The following GALNT17 variants were observed in gnomAD, a reference collection of about 807,000 sequenced individuals.
The protein encoded by GALNT17 is UDP-GalNAc:polypeptide N-acetylgalactosaminyltransferase-like 3.
Under a neutral mutation model 63.7 loss-of-function variants are expected in GALNT17, and 29 were observed. The observed-to-expected ratio is 0.46, with a 90% CI of 0.34 to 0.62. The LOEUF is 0.62. GALNT17 is among the 20% of genes least tolerant of loss of function. GALNT17 has a pLI of 0.01. For missense variants in GALNT17, 603 were observed against 799.6 expected (o/e 0.75, Z 2.97); for synonymous variants, 305 against 318.3 (o/e 0.96, Z 0.45).
chr7:71,351,694 G>T (rs771703345), intron 2 of GALNT17, among the ~76,000 whole-genome samples: 1 of 152,110 alleles, frequency 6.6e-6, no homozygotes, highest in African/African-American at 2.4e-5. Flanking sequence ...CCTTCAGAGG[G>T]TGCATGCCCT....
At chr7:71,404,106 A>G (rs1477146330) in intron 3 of GALNT17, among the ~76,000 whole-genome samples, 1 of 152,192 alleles carries the variant, frequency 6.6e-6, no homozygotes, top group Non-Finnish European at 1.5e-5. Context: ...TGGATAGCCT[A>G]TAGCTTATGC....
rs1226824098 is a variant in GALNT17 at position 71,403,686 on chromosome 7, A to G, written c.590-12203A>G. 2.0e-5 allele frequency among the ~76,000 whole-genome samples: 3 copies of G among 152,164 alleles called. No homozygotes were observed. In the East Asian group the frequency reaches 5.8e-4, roughly 29 times the overall value. ...GGTCCTGAATACGGAGCACCCCAGA[A>G]TGCTAGAGAAGGATGAACTGGCCGG... On this transcript the variant is annotated intron_variant, in intron 3 of 10. Coordinates refer to ENST00000333538, the MANE Select transcript of GALNT17 (RefSeq NM_022479.3).
intron 5 of GALNT17, among the ~76,000 whole-genome samples, chr7:71,552,657 G>T (rs1434640034): frequency 6.6e-6 from 1 of 151,984 alleles, no homozygotes; most frequent in Non-Finnish European, 1.5e-5. Context: ...GTCCAGGCTG[G>T]TCTCAAACTC....
chr7:71,648,264 GA>G (rs1349894513), intron 6 of GALNT17, among the ~76,000 whole-genome samples: 1 of 151,250 alleles, frequency 6.6e-6, no homozygotes, highest in Non-Finnish European at 1.5e-5. Context: ...CTGCTGTCAT[GA>G]GCTACTTTTT....
chr7:71,487,232 C>CA lies in GALNT17; in HGVS notation c.962+66129dup, dbSNP rs578021191. On this transcript the variant is annotated intron_variant, in intron 5 of 10. Transcript: ENST00000333538. ...TTGCTGCCAGGGATGGGGCCTATGA[C>CA]AAGTGTCTCCATGAGGGTAGTGATG... 1.5e-3 allele frequency among the ~76,000 whole-genome samples: 224 copies of CA among 152,312 alleles called. 10 individuals carry two copies. In the South Asian group the frequency reaches 0.042, roughly 29 times the overall value.
intron 5 of GALNT17, among the ~76,000 whole-genome samples, chr7:71,475,282 T>C (rs1259319644): frequency 6.6e-6 from 1 of 152,194 alleles, no homozygotes; most frequent in Non-Finnish European, 1.5e-5. Context: ...GTTTTTATTA[T>C]TATTACATTG....
At chr7:71,700,554 C>G (rs988983353) in intron 9 of GALNT17, among the ~76,000 whole-genome samples, 1 of 152,092 alleles carries the variant, frequency 6.6e-6, no homozygotes, top group African/African-American at 2.4e-5. Flanking sequence ...CTGCACTAGA[C>G]CCAGCTCCCC....
chr7:71,415,476 A>G (rs1793507091), intron 3 of GALNT17, among the ~76,000 whole-genome samples: 1 of 152,160 alleles, frequency 6.6e-6, no homozygotes, highest in Non-Finnish European at 1.5e-5. Flanking sequence ...AAAGACTTAC[A>G]TTGCATCCCA....
intron 3 of GALNT17, among the ~76,000 whole-genome samples, chr7:71,397,769 G>A (rs1342005566): frequency 2.6e-5 from 4 of 152,064 alleles, no homozygotes; most frequent in Non-Finnish European, 5.9e-5. Context: ...TTATTTTGGT[G>A]GAACACAACA....
At chr7:71,533,821 T>C (rs1010770053) in intron 5 of GALNT17, among the ~76,000 whole-genome samples, 19 of 152,038 alleles carry the variant, frequency 1.2e-4, no homozygotes, top group African/African-American at 4.6e-4. Flanking sequence ...TGCTCCCAAA[T>C]CCATCTCCCT....
At chr7:71,141,394 A>G (rs568455473) in intron 1 of GALNT17, among the ~76,000 whole-genome samples, 13 of 152,092 alleles carry the variant, frequency 8.5e-5, no homozygotes, top group African/African-American at 2.9e-4. Flanking sequence ...GAAAAGAAAA[A>G]AAAAAGACAG....
chr7:71,574,099 T>C (rs1789496319), intron 6 of GALNT17, among the ~76,000 whole-genome samples: 1 of 152,244 alleles, frequency 6.6e-6, no homozygotes, highest in Admixed American at 6.5e-5. Context: ...TTTGCTATTG[T>C]GAATAGTGCT....
At chr7:71,318,316 A>G (rs1226058626) in intron 1 of GALNT17, among the ~76,000 whole-genome samples, 1 of 152,190 alleles carries the variant, frequency 6.6e-6, no homozygotes, top group Non-Finnish European at 1.5e-5. Flanking sequence ...TGTTGGAGAC[A>G]CAGTCATGTC....
At chr7:71,631,781 G>C (rs933154251) in intron 6 of GALNT17, among the ~76,000 whole-genome samples, 1 of 152,176 alleles carries the variant, frequency 6.6e-6, no homozygotes, top group Admixed American at 6.5e-5. Flanking sequence ...GCAATATTGG[G>C]ATGGTTAATT....
chr7:71,678,201 T>A (rs2117068782), intron 9 of GALNT17, among the ~76,000 whole-genome samples: 1 of 152,046 alleles, frequency 6.6e-6, no homozygotes, highest in African/African-American at 2.4e-5. Flanking sequence ...CTCAGCTCAG[T>A]GCAACCTCCG....
intron 1 of GALNT17, among the ~76,000 whole-genome samples, chr7:71,223,680 T>C (rs1020718077): frequency 2.0e-5 from 3 of 152,132 alleles, no homozygotes; most frequent in Non-Finnish European, 4.4e-5. Flanking sequence ...ACCCAATAGT[T>C]ACCTTGTCTG....
intron 9 of GALNT17, among the ~76,000 whole-genome samples, chr7:71,696,573 CT>C (rs1554326048): frequency 6.6e-6 from 1 of 152,192 alleles, no homozygotes; most frequent in Non-Finnish European, 1.5e-5. Flanking sequence ...AATTATTTAT[CT>C]GGTTTTTGTT....
chr7:71,216,880 A>C (rs1248793320), intron 1 of GALNT17, among the ~76,000 whole-genome samples: 1 of 151,974 alleles, frequency 6.6e-6, no homozygotes, highest in African/African-American at 2.4e-5. Flanking sequence ...TACCTTAGTC[A>C]TTTATTTTCT....
At chr7:71,287,247 T>C (rs763609239) in intron 1 of GALNT17, among the ~76,000 whole-genome samples, 4 of 152,010 alleles carry the variant, frequency 2.6e-5, no homozygotes, top group Non-Finnish European at 4.4e-5. Context: ...TGTGCCACCA[T>C]GCCTGGCTAA....
Sources: allele counts gnomAD v4.1 joint callset (sites outside exome capture counted in the v4.1 genomes callset), GRCh38; gene constraint gnomAD v4.1.1; transcripts MANE v1.5; gene names NCBI Gene and HGNC (gene_info 2026-07-23, HGNC 2026-07-21).